The following FUBP3 variants were observed in gnomAD, a reference collection of about 807,000 sequenced individuals.
The protein encoded by FUBP3 is far upstream element binding protein 3.
FUBP3 carries 28 observed loss-of-function variants against 85.6 expected under a neutral mutation model. The ratio of observed to expected loss-of-function variants is 0.33; its 90% CI spans 0.24 to 0.45. The LOEUF (loss-of-function observed/expected upper bound fraction) is 0.45, where lower values mean the gene tolerates loss of function less well. Ranked by LOEUF, FUBP3 falls within the 20% of genes least tolerant of loss-of-function variation. The pLI is 1.00. For synonymous variants in FUBP3, 271 were observed against 271.4 expected (o/e 1.00, Z 0.01); for missense variants, 583 against 755.1 (o/e 0.77, Z 2.67).
At chr9:130,594,498 G>C (rs534081632) in intron 1 of FUBP3, among the ~76,000 whole-genome samples, 3 of 151,996 alleles carry the variant, frequency 2.0e-5, no homozygotes, top group African/African-American at 7.3e-5. Flanking sequence ...CAGGAGAATC[G>C]CTTGAACCCA....
At chr9:130,585,527 A>G (rs1282429027) in intron 1 of FUBP3, among the ~76,000 whole-genome samples, 2 of 152,170 alleles carry the variant, frequency 1.3e-5, no homozygotes, top group African/African-American at 4.8e-5. Context: ...CTGTTTAAAG[A>G]TCTTCCGTGG....
intron 5 of FUBP3, among the ~76,000 whole-genome samples, chr9:130,613,288 C>T (rs1831843663): frequency 6.6e-6 from 1 of 152,214 alleles, no homozygotes; most frequent in South Asian, 2.1e-4. Context: ...ACACCTGCCA[C>T]TCTAGGACCT....
Position 130,628,128 on chromosome 9 carries a change from C to CACACACACA in FUBP3, c.1117+1623_1117+1624insACACACACA. Among the ~76,000 whole-genome samples the CACACACACA allele has an allele frequency of 2.1e-5, 3 of 140,856 alleles. No individual in the cohort carries two copies. The South Asian group carries it at 6.4e-4, about 30-fold the overall frequency. 92.4% of individuals were successfully genotyped at this position (140,856 alleles called of 152,430 possible). On this transcript the variant is annotated intron_variant, in intron 12 of 18. Coordinates refer to ENST00000319725, the MANE Select transcript of FUBP3 (RefSeq NM_003934.2). ...CGCACACACACACACACACACACAC[C>CACACACACA]CCCTACCCCTCAGGGCCCATGTGAG...
At chr9:130,598,942 A>G (rs1830998007) in intron 2 of FUBP3, among the ~76,000 whole-genome samples, 2 of 152,194 alleles carry the variant, frequency 1.3e-5, no homozygotes, top group South Asian at 2.1e-4. Flanking sequence ...GTGGTGGGAA[A>G]GCTTGAGCCC....
chr9:130,588,600 T>G (rs770897403), intron 1 of FUBP3, among the ~76,000 whole-genome samples: 3 of 152,236 alleles, frequency 2.0e-5, no homozygotes, highest in Admixed American at 6.5e-5. Flanking sequence ...ACATTTGTTA[T>G]CTTGTTATCC....
chr9:130,634,379 G>T (rs1418358338), intron 16 of FUBP3, among the ~76,000 whole-genome samples: 1 of 152,248 alleles, frequency 6.6e-6, no homozygotes, highest in East Asian at 1.9e-4. Context: ...TGATTGGGGA[G>T]CCTCAGAACA....
In FUBP3 at chr9:130,616,714, C is replaced by A. The variant is rs545202682; in HGVS notation, c.567+197C>A. 2.0e-5 allele frequency among the ~76,000 whole-genome samples: 3 copies of A among 152,328 alleles called. No individual in the cohort carries two copies. On this transcript the variant is annotated intron_variant, in intron 7 of 18. Coordinates refer to ENST00000319725, the MANE Select transcript of FUBP3 (RefSeq NM_003934.2). The surrounding 1 kb of genome is among the most constrained non-coding windows in gnomAD (Gnocchi z 4.7). The stretch of plus-strand genomic sequence containing the variant: ...CCACGTCTGATGCCAAATATGATGC[C>A]AAGTACTAGGGCAGGTGTGCCCTAT...
At chr9:130,614,432 C>A in intron 6 of FUBP3, 87 bp downstream of exon 6, 1 of 816,482 alleles carries the variant, frequency 1.2e-6, no homozygotes, top group Non-Finnish European at 2.1e-6. Flanking sequence ...TGTTACTGAA[C>A]ACTGAGTCTG....
At chr9:130,604,708 C>T (rs1388797181) in intron 2 of FUBP3, among the ~76,000 whole-genome samples, 1 of 152,080 alleles carries the variant, frequency 6.6e-6, no homozygotes, top group Non-Finnish European at 1.5e-5. Flanking sequence ...ACCATCCTGG[C>T]CAACAAGGTG....
chr9:130,632,058 GGCACTA>G (rs1830234121), intron 15 of FUBP3, 36 bp downstream of exon 15: 1 of 1,528,242 alleles, frequency 6.5e-7, no homozygotes, highest in Non-Finnish European at 9.1e-7. Flanking sequence ...GGGGACAGAC[GGCACTA>G]AGGTGGTCAC....
chr9:130,590,660 A>G (rs1830584868), intron 1 of FUBP3, among the ~76,000 whole-genome samples: 1 of 152,154 alleles, frequency 6.6e-6, no homozygotes, highest in Non-Finnish European at 1.5e-5. Flanking sequence ...CACTTCCCTT[A>G]AGTAACTACT....
At chr9:130,624,611 G>T (rs922339820) in intron 11 of FUBP3, among the ~76,000 whole-genome samples, 6 of 38,056 alleles carry the variant, frequency 1.6e-4, no homozygotes, top group Non-Finnish European at 3.4e-4. Flanking sequence ...ACAAGATTTT[G>T]TGTGTGTGTG....
chr9:130,612,990 T>C lies in FUBP3; in HGVS notation c.309T>C (p.Ile103=). ...IGRGGEQISR[I]QAESGCKIQI... is the part of the protein sequence containing the mutation. ...GGGGAGGTGAGCAGATTTCACGGATTCAAGCAGAATCTGGTTGCAAAATTC... is the reference window on the plus strand; with the variant it reads ...GGGGAGGTGAGCAGATTTCACGGATCCAAGCAGAATCTGGTTGCAAAATTC... Residue 103 remains isoleucine (I), a synonymous_variant, in exon 5 of 19, where the codon ATT becomes ATC. Coordinates refer to ENST00000319725, the MANE Select transcript of FUBP3 (RefSeq NM_003934.2). The surrounding 1 kb of genome is among the most constrained non-coding windows in gnomAD (Gnocchi z 4.1). The C allele has an allele frequency of 6.2e-7, 1 of 1,613,310 alleles. No homozygotes were observed. The highest frequency in any genetic ancestry group is 8.5e-7 in the Non-Finnish European group (1 of 1,179,200).
At position 130,586,749 on chromosome 9, in the gene FUBP3, C is replaced by CTTTTTT. The variant is rs34911755; in HGVS notation, c.84+6999_84+7004dup. On this transcript the variant is annotated intron_variant, in intron 1 of 18. Coordinates refer to ENST00000319725, the MANE Select transcript of FUBP3 (RefSeq NM_003934.2). ...TCAATGAGGTGGCTGAAGCAGCAAT[C>CTTTTTT]TTTTTTTTTTTTTTTTTTTCAGACG... 1.8e-4 allele frequency among the ~76,000 whole-genome samples: 20 copies of CTTTTTT among 113,296 alleles called. No homozygotes were observed. In the East Asian group the frequency reaches 4.1e-3, roughly 23 times the overall value. 74.3% of individuals were successfully genotyped at this position (113,296 alleles called of 152,430 possible).
intron 7 of FUBP3, 105 bp from the exon 8 acceptor site, chr9:130,617,692 T>G: frequency 1.3e-6 from 1 of 790,388 alleles, no homozygotes; most frequent in South Asian, 1.4e-5. Flanking sequence ...TGGTGGTAGG[T>G]GGGATGTGCG....
intron 2 of FUBP3, among the ~76,000 whole-genome samples, chr9:130,600,099 T>TCCTTCCTCCCTC (rs1831078439): frequency 8.0e-6 from 1 of 124,882 alleles, no homozygotes. Context: ...TTTCCTTCCT[T>TCCTTCCTCCCTC]CCTCCCTCCC....
At chr9:130,620,806 G>C (rs1459852125) in intron 9 of FUBP3, among the ~76,000 whole-genome samples, 1 of 152,118 alleles carries the variant, frequency 6.6e-6, no homozygotes, top group African/African-American at 2.4e-5. Flanking sequence ...GTTGCAATGG[G>C]GTCAGAATCT....
Position 130,634,592 on chromosome 9 carries a change from G to A in FUBP3, c.1511-75G>A, listed in dbSNP as rs1250979015. 4 of 1,174,002 alleles carry A rather than the reference G, an allele frequency of 3.4e-6. No homozygotes were observed. The East Asian group carries it at 9.7e-5, about 29-fold the overall frequency. 72.7% of individuals were successfully genotyped at this position (1,174,002 alleles called of 1,614,324 possible). A position where few individuals can be genotyped will look rare whatever the true frequency, so the allele number is the denominator to read the frequency against. Reference sequence around the variant, plus strand: ...GCGAGGTGGAGGAGTGCAGGGCAGGGCCTGCAGCTGGCGGGCTGGGGCCGA... The same window carrying A: ...GCGAGGTGGAGGAGTGCAGGGCAGGACCTGCAGCTGGCGGGCTGGGGCCGA... On this transcript the variant is annotated intron_variant, in intron 16 of 18. Transcript: ENST00000319725.
chr9:130,626,996 G>A (rs548961387), intron 12 of FUBP3, among the ~76,000 whole-genome samples: 1 of 152,292 alleles, frequency 6.6e-6, no homozygotes, highest in Non-Finnish European at 1.5e-5. Context: ...CATATTTACC[G>A]TGAGTCACGG....
Sources: gnomAD v4.1 joint callset for allele counts (sites outside exome capture counted in the v4.1 genomes callset) on GRCh38, gnomAD v4.1.1 for gene constraint, Gnocchi (gnomAD v3.1) non-coding constraint, MANE v1.5 for transcripts, NCBI Gene and HGNC (gene_info 2026-07-23, HGNC 2026-07-21) for gene names.